The following HPSE2 variants were observed in gnomAD, a reference collection of about 807,000 sequenced individuals.
HPSE2 encodes inactive heparanase-2.
In HPSE2, 38 loss-of-function variants were observed where a neutral mutation model predicts 60.5. The observed-to-expected ratio is 0.63, with a 90% CI of 0.48 to 0.82. The LOEUF (loss-of-function observed/expected upper bound fraction) is 0.82, where lower values mean the gene tolerates loss of function less well. HPSE2 is among the 40% of genes least tolerant of loss of function. The pLI is 0.00. For synonymous variants in HPSE2, 295 were observed against 293.2 expected (o/e 1.01, Z -0.06); for missense variants, 713 against 740.4 (o/e 0.96, Z 0.43).
intron 7 of HPSE2, among the ~76,000 whole-genome samples, chr10:98,632,889 C>T (rs1357066117): frequency 6.6e-6 from 1 of 152,194 alleles, no homozygotes; most frequent in Non-Finnish European, 1.5e-5. Flanking sequence ...ATCTGGGGTC[C>T]TGTGCCTTCT....
chr10:98,901,134 C>T (rs997225014), intron 3 of HPSE2, among the ~76,000 whole-genome samples: 4 of 151,960 alleles, frequency 2.6e-5, no homozygotes, highest in Non-Finnish European at 2.9e-5. Flanking sequence ...TTCATTTATA[C>T]GAAACTCTAG....
intron 6 of HPSE2, among the ~76,000 whole-genome samples, chr10:98,692,656 C>G (rs1948106954): frequency 6.6e-6 from 1 of 152,088 alleles, no homozygotes; most frequent in South Asian, 2.1e-4. Flanking sequence ...GTAGTCCCAG[C>G]TACTCGGGAG....
intron 3 of HPSE2, among the ~76,000 whole-genome samples, chr10:98,946,251 C>T (rs546960851): frequency 6.6e-6 from 1 of 152,068 alleles, no homozygotes; most frequent in Non-Finnish European, 1.5e-5. Context: ...GGGAGGATTG[C>T]TTGAGGTCAG....
chr10:98,780,650 C>T (rs837740), intron 3 of HPSE2, among the ~76,000 whole-genome samples: 8,267 of 152,006 alleles, frequency 0.054, 726 homozygotes, highest in African/African-American at 0.18. Context: ...ACAAAATAGG[C>T]TTTTGATTGC....
intron 6 of HPSE2, among the ~76,000 whole-genome samples, chr10:98,655,685 C>T (rs937248818): frequency 6.6e-6 from 1 of 152,162 alleles, no homozygotes; most frequent in African/African-American, 2.4e-5. Flanking sequence ...ATGGAATTCT[C>T]ATCATGCATG....
At chr10:98,753,473 A>G (rs1348948285) in intron 3 of HPSE2, among the ~76,000 whole-genome samples, 1 of 152,242 alleles carries the variant, frequency 6.6e-6, no homozygotes, top group Non-Finnish European at 1.5e-5. Flanking sequence ...CATTATTCAC[A>G]ATAGCCAAAA....
At chr10:99,097,481 C>T (rs1291696592) in intron 3 of HPSE2, among the ~76,000 whole-genome samples, 1 of 152,130 alleles carries the variant, frequency 6.6e-6, no homozygotes, top group East Asian at 1.9e-4. Flanking sequence ...CTAAAGCTTT[C>T]TTTTCGCAGT....
chr10:98,544,394 G>A (rs1366740402), intron 9 of HPSE2, among the ~76,000 whole-genome samples: 2 of 152,070 alleles, frequency 1.3e-5, no homozygotes, highest in African/African-American at 2.4e-5. Flanking sequence ...ATCCAAAATC[G>A]ACACCCTAAC....
chr10:99,031,376 A>G (rs1957495277), intron 3 of HPSE2, among the ~76,000 whole-genome samples: 1 of 152,190 alleles, frequency 6.6e-6, no homozygotes, highest in Non-Finnish European at 1.5e-5. Context: ...TTAATCTCAT[A>G]TAACCCTATG....
At chr10:98,911,727 T>C (rs1219834598) in intron 3 of HPSE2, among the ~76,000 whole-genome samples, 1 of 152,134 alleles carries the variant, frequency 6.6e-6, no homozygotes, top group African/African-American at 2.4e-5. Flanking sequence ...TGTTTGTATA[T>C]TTCAGTATTA....
intron 9 of HPSE2, among the ~76,000 whole-genome samples, chr10:98,601,296 T>C (rs976681499): frequency 1.3e-5 from 2 of 152,196 alleles, no homozygotes; most frequent in Non-Finnish European, 2.9e-5. Context: ...AGAATAATGT[T>C]TGACCAACTA....
At chr10:99,314,095 T>C in the HPSE2 span, among the ~76,000 whole-genome samples, 1 of 152,264 alleles carries the variant, frequency 6.6e-6, no homozygotes, top group South Asian at 2.1e-4. Context: ...GGCAAGACTC[T>C]CCACCAGCAA....
At chr10:99,207,862 C>T (rs919216596) in intron 2 of HPSE2, among the ~76,000 whole-genome samples, 4 of 151,796 alleles carry the variant, frequency 2.6e-5, no homozygotes, top group Non-Finnish European at 5.9e-5. Context: ...TGCCTGAAAC[C>T]ACACATAGTA....
intron 4 of HPSE2, among the ~76,000 whole-genome samples, chr10:98,738,911 T>C (rs1188585019): frequency 4.6e-5 from 7 of 152,202 alleles, no homozygotes; most frequent in Admixed American, 1.3e-4. Flanking sequence ...GAAGACAGTG[T>C]GGCGATTCCT....
At chr10:99,312,801 T>C in the HPSE2 span, among the ~76,000 whole-genome samples, 4 of 152,240 alleles carry the variant, frequency 2.6e-5, no homozygotes, top group South Asian at 8.3e-4. Context: ...CAAAGTCAAT[T>C]GGAAACCTTC....
rs187325843 is a variant in HPSE2 at position 98,892,640 on chromosome 10, T to C, written c.611-148584A>G. ...CTGGGCCAGTGGCTTTTCTACTGAG[T>C]TGAATTTCATTCTCAACTTCCAAAA... On this transcript the variant is annotated intron_variant, in intron 3 of 11. Transcript: ENST00000370552. 2.0e-5 allele frequency among the ~76,000 whole-genome samples: 3 copies of C among 152,280 alleles called. No homozygotes were observed. The East Asian group carries it at 5.8e-4, about 29-fold the overall frequency.
In HPSE2 at chr10:98,602,942, AT is replaced by A. The variant is rs549717095; in HGVS notation, c.1320+11961del. On this transcript the variant is annotated intron_variant, in intron 9 of 11. Transcript: ENST00000370552. ...CCAAAAAATAGATAAATTAGAGTTC[AT>A]CAAAATTAAAACCTTTTGTGCTTAA... is the stretch of plus-strand genomic sequence containing the variant. Among the ~76,000 whole-genome samples the A allele has an allele frequency of 4.9e-4, 75 of 152,356 alleles. No homozygotes were observed. The Middle Eastern group carries it at 0.024, about 48-fold the overall frequency.
intron 6 of HPSE2, among the ~76,000 whole-genome samples, chr10:98,671,793 G>C (rs1947513643): frequency 6.6e-6 from 1 of 152,134 alleles, no homozygotes; most frequent in South Asian, 2.1e-4. Context: ...AACTTTACAG[G>C]AAAGGTAAGA....
chr10:98,670,880 C>T (rs547225941), intron 6 of HPSE2, among the ~76,000 whole-genome samples: 1 of 152,290 alleles, frequency 6.6e-6, no homozygotes, highest in South Asian at 2.1e-4. Flanking sequence ...AGAAATGGTG[C>T]ACTTGGGGAG....
Sources: allele counts gnomAD v4.1 joint callset (sites outside exome capture counted in the v4.1 genomes callset), GRCh38; gene constraint gnomAD v4.1.1; transcripts MANE v1.5; gene names NCBI Gene and HGNC (gene_info 2026-07-23, HGNC 2026-07-21).